LMBRD1: variants seen among roughly 807,000 people sequenced by gnomAD.
The protein encoded by LMBRD1 is LMBR1 domain containing 1, also known as lysosomal cobalamin transport escort protein LMBD1.
Under a neutral mutation model 74.8 loss-of-function variants are expected in LMBRD1, and 64 were observed. That is an observed-to-expected ratio of 0.86 (90% CI 0.70 to 1.05). The LOEUF (loss-of-function observed/expected upper bound fraction) is 1.05, where lower values mean the gene tolerates loss of function less well. Among genes scored for constraint, LMBRD1 ranks in the 50% least tolerant of loss-of-function variants. The pLI, the probability that LMBRD1 is intolerant of heterozygous loss-of-function variation, is 0.00. For synonymous variants in LMBRD1, 204 were observed against 216.3 expected (o/e 0.94, Z 0.50); for missense variants, 652 against 645.9 (o/e 1.01, Z -0.10).
At chr6:69,713,207 G>C (rs1017473659) in intron 9 of LMBRD1, among the ~76,000 whole-genome samples, 14 of 151,944 alleles carry the variant, frequency 9.2e-5, no homozygotes, top group African/African-American at 3.4e-4. Flanking sequence ...CATAGTGCTG[G>C]AAAAAATGAA....
At chr6:69,781,877 G>A (rs955342481) in intron 2 of LMBRD1, among the ~76,000 whole-genome samples, 1 of 151,742 alleles carries the variant, frequency 6.6e-6, no homozygotes, top group Non-Finnish European at 1.5e-5. Context: ...GTGCTAGGAG[G>A]TAGAGTATAT....
At position 69,713,744 on chromosome 6, in the gene LMBRD1, A is replaced by C; in HGVS notation, c.816T>G (p.Phe272Leu). 1 of 1,613,674 alleles carries C rather than the reference A, an allele frequency of 6.2e-7. No individual in the cohort carries two copies. Among genetic ancestry groups the C allele is most frequent in the Non-Finnish European group, 8.5e-7 (1 of 1,179,748 alleles). ...TCTTAAGTGTTCGTAACCTTTCTTC[A>C]AATTGTTTTAAGGCGCGTTTATCCC... ...PARDKRALKQ[F>L]EERLRTLKKR... Residue 272 changes from phenylalanine (F) to leucine (L), a missense_variant, in exon 9 of 16, where the codon TTT (phenylalanine) becomes TTG (leucine). Phe to Leu is a conservative substitution (Grantham distance 22, BLOSUM62 0). Around this residue, in one of 3 missense-constraint regions of LMBRD1, gnomAD observed 598 missense variants for 581.8 expected, o/e 1.03. Coordinates refer to ENST00000649934, the MANE Select transcript of LMBRD1 (RefSeq NM_018368.4).
At position 69,719,024 on chromosome 6, in the gene LMBRD1, A is replaced by T. The variant is rs370829456; in HGVS notation, c.694T>A (p.Tyr232Asn). 70 of 1,613,112 alleles carry T rather than the reference A, an allele frequency of 4.3e-5. No individual in the cohort carries two copies. In the Middle Eastern group the frequency reaches 8.2e-4, roughly 19 times the overall value. The change falls in exon 8 of 16, where the codon TAT becomes AAT. Residue 232 changes from tyrosine to asparagine, a missense_variant. Around this residue, in one of 3 missense-constraint regions of LMBRD1, gnomAD observed 598 missense variants for 581.8 expected, o/e 1.03. Coordinates refer to ENST00000649934, the MANE Select transcript of LMBRD1 (RefSeq NM_018368.4). ...NLIKGTRSAA[Y>N]ERLENTEDIE... ...TCTTCAGTGTTTTCCAAACGTTCAT[A>T]AGCAGCGCTTCTAGTGCCTTTTATC...
At chr6:69,784,580 C>G (rs1227902483) in intron 2 of LMBRD1, among the ~76,000 whole-genome samples, 1 of 152,122 alleles carries the variant, frequency 6.6e-6, no homozygotes, top group East Asian at 1.9e-4. Context: ...ACAGGGCAGG[C>G]CCCCATAACA....
At chr6:69,727,865 G>T (rs896264682) in intron 7 of LMBRD1, among the ~76,000 whole-genome samples, 1 of 151,844 alleles carries the variant, frequency 6.6e-6, no homozygotes, top group Non-Finnish European at 1.5e-5. Flanking sequence ...ATTTAATTTG[G>T]TTATTCTAGT....
chr6:69,751,067 G>A (rs1765137626), intron 4 of LMBRD1, among the ~76,000 whole-genome samples: 3 of 151,996 alleles, frequency 2.0e-5, no homozygotes, highest in South Asian at 2.1e-4. Context: ...TACAGTGTTC[G>A]ATTTTGACAT....
chr6:69,781,018 T>C (rs1348267459), intron 2 of LMBRD1, among the ~76,000 whole-genome samples: 1 of 152,152 alleles, frequency 6.6e-6, no homozygotes, highest in Non-Finnish European at 1.5e-5. Flanking sequence ...GGCTTGTGAG[T>C]CATGCTGAGT....
At position 69,698,931 on chromosome 6, in the gene LMBRD1, A is replaced by G. The variant is rs919320708; in HGVS notation, c.1338+112T>C. The G allele has an allele frequency of 1.1e-5, 8 of 725,208 alleles. No homozygotes were observed. In the Admixed American group the frequency reaches 1.9e-4, roughly 17 times the overall value. The allele number at this position is 725,208 out of a possible 1,614,324, so 44.9% of individuals were successfully genotyped here. On this transcript the variant is annotated intron_variant, in intron 13 of 15. Transcript: ENST00000649934. ...TAAAAAACCAGTTTTAGCAATATTAAATATAATCTGATGAGCTAATATCTT... is the reference window on the plus strand; with the variant it reads ...TAAAAAACCAGTTTTAGCAATATTAGATATAATCTGATGAGCTAATATCTT...
intron 5 of LMBRD1, among the ~76,000 whole-genome samples, chr6:69,747,416 T>G (rs1199570504): frequency 6.6e-6 from 1 of 152,246 alleles, no homozygotes; most frequent in African/African-American, 2.4e-5. Context: ...AATAAATGAC[T>G]GTTATTTAAG....
chr6:69,696,789 C>T (rs1392170845), intron 14 of LMBRD1, among the ~76,000 whole-genome samples: 1 of 152,072 alleles, frequency 6.6e-6, no homozygotes, highest in African/African-American at 2.4e-5. Context: ...ATAGTTGACC[C>T]TGCTATAAAA....
At chr6:69,761,044 CTG>C (rs1765362115) in intron 3 of LMBRD1, among the ~76,000 whole-genome samples, 1 of 152,158 alleles carries the variant, frequency 6.6e-6, no homozygotes, top group African/African-American at 2.4e-5. Context: ...CCCAAAGAAA[CTG>C]TGAAATAAGG....
At chr6:69,755,158 T>C (rs1765241342) in intron 3 of LMBRD1, among the ~76,000 whole-genome samples, 1 of 152,120 alleles carries the variant, frequency 6.6e-6, no homozygotes, top group Non-Finnish European at 1.5e-5. Context: ...CTCTTTACAA[T>C]AGCAAAGACT....
intron 3 of LMBRD1, among the ~76,000 whole-genome samples, chr6:69,775,874 C>A (rs1455959714): frequency 6.6e-6 from 1 of 152,074 alleles, no homozygotes; most frequent in Non-Finnish European, 1.5e-5. Flanking sequence ...ATTAGACAGG[C>A]TTTCTCAAAA....
At chr6:69,687,062 T>C (rs1765778676) in intron 14 of LMBRD1, among the ~76,000 whole-genome samples, 2 of 152,154 alleles carry the variant, frequency 1.3e-5, no homozygotes, top group Admixed American at 6.6e-5. Context: ...CATCATGCCA[T>C]TCCTCTGTTG....
At chr6:69,695,453 T>C (rs1765974729) in intron 14 of LMBRD1, among the ~76,000 whole-genome samples, 1 of 152,124 alleles carries the variant, frequency 6.6e-6, no homozygotes, top group East Asian at 1.9e-4. Flanking sequence ...CAGGAACTCA[T>C]ATGTACCCCT....
At chr6:69,701,335 G>T (rs1766125258) in intron 11 of LMBRD1, 108 bp downstream of exon 11, 2 of 710,882 alleles carry the variant, frequency 2.8e-6, no homozygotes, top group African/African-American at 3.6e-5. Flanking sequence ...CTATTCATAG[G>T]TTTTTAGCAT....
chr6:69,769,718 ATTT>A (rs199694032), intron 3 of LMBRD1, among the ~76,000 whole-genome samples: 20 of 140,980 alleles, frequency 1.4e-4, no homozygotes, highest in Non-Finnish European at 2.8e-4. Context: ...TGATGTGTCT[ATTT>A]TTTTTAACGA....
intron 14 of LMBRD1, among the ~76,000 whole-genome samples, chr6:69,688,746 T>TA (rs34608489): frequency 0.37 from 55,300 of 151,376 alleles, 10,607 homozygotes; most frequent in East Asian, 0.54. Flanking sequence ...GATATTTATT[T>TA]AAAAAAAATA....
intron 3 of LMBRD1, among the ~76,000 whole-genome samples, chr6:69,758,583 A>T (rs1765314020): frequency 6.6e-6 from 1 of 152,094 alleles, no homozygotes; most frequent in South Asian, 2.1e-4. Flanking sequence ...GAAGGAATGA[A>T]CTTAGTACTC....
Sources: gnomAD v4.1 joint callset for allele counts (sites outside exome capture counted in the v4.1 genomes callset) on GRCh38, gnomAD v4.1.1 for gene constraint, gnomAD v4.1.1 regional missense constraint, MANE v1.5 for transcripts, NCBI Gene and HGNC (gene_info 2026-07-23, HGNC 2026-07-21) for gene names.